The following OR8J1 variants were observed in gnomAD, a reference collection of about 807,000 sequenced individuals.
OR8J1 encodes olfactory receptor family 8 subfamily J member 1.
For missense variants in OR8J1, 400 were observed against 373.0 expected (o/e 1.07, Z -0.60); for synonymous variants, 157 against 144.3 (o/e 1.09, Z -0.63).
rs768347510 is a variant in OR8J1, at chr11:56,360,817, G to T, written c.571G>T (p.Asp191Tyr). Residue 191 changes from aspartate (D) to tyrosine (Y), a missense_variant, in exon 2 of 2, where the codon GAT becomes TAT. Transcript: ENST00000533152. ...TCCTCTGTTAGCATTATCTTGCTCT[G>T]ATACTTACTTACCAGAAACAGTTGT... ...NVPLLALSCSDTYLPETVVFI... is the reference protein window; with the variant it reads ...NVPLLALSCSYTYLPETVVFI... 18 of 1,540,018 alleles carry T rather than the reference G, an allele frequency of 1.2e-5. No homozygotes were observed. Among genetic ancestry groups the T allele is most frequent in the Non-Finnish European group, 1.6e-5 (18 of 1,150,472 alleles).
intron 1 of OR8J1, among the ~76,000 whole-genome samples, chr11:56,358,657 G>A (rs1419481797): frequency 6.6e-6 from 1 of 152,122 alleles, no homozygotes; most frequent in African/African-American, 2.4e-5. Flanking sequence ...CTCCCAAGTT[G>A]TCATAATGTA....
intron 1 of OR8J1, chr11:56,357,499 AT>A (rs764202135): frequency 1.2e-6 from 1 of 862,768 alleles, no homozygotes; most frequent in Non-Finnish European, 2.0e-6. Flanking sequence ...ATAAACAGAT[AT>A]ATCATTTGTC....
Position 56,360,661 on chromosome 11 carries a change from C to T in OR8J1, c.415C>T (p.Arg139Trp), listed in dbSNP as rs773946639. 4.0e-5 allele frequency: 65 copies of T among 1,611,120 alleles called. No homozygotes were observed. The Admixed American group carries it at 4.0e-4, about 10-fold the overall frequency. ...GCTGTACATGGTGGTGGTGTCTCGG[C>T]GGCTCTGCCTCCTGCTGGTCTCCCT... ...PLLYMVVVSR[R>W]LCLLLVSLTY... Residue 139 changes from arginine (R) to tryptophan (W), a missense_variant, in exon 2 of 2, where the codon CGG becomes TGG. Arg to Trp is a moderately radical substitution (Grantham distance 101). Coordinates refer to ENST00000533152, the MANE Select transcript of OR8J1 (RefSeq NM_001005205.3).
At chr11:56,359,811 A>G (rs78561506) in intron 1 of OR8J1, among the ~76,000 whole-genome samples, 1 of 152,300 alleles carries the variant, frequency 6.6e-6, no homozygotes, top group East Asian at 1.9e-4. Context: ...AGAATCACCC[A>G]TTCCTAAGAA....
chr11:56,361,158 A>T lies in OR8J1; in HGVS notation c.912A>T (p.Arg304Ser). The change falls in exon 2 of 2, where the codon AGA becomes AGT. Residue 304 changes from arginine to serine, a missense_variant. Transcript: ENST00000533152. ...RNKDVKTALQRFMTNLCYSFK... is the reference protein window; with the variant it reads ...RNKDVKTALQSFMTNLCYSFK... The stretch of plus-strand genomic sequence containing the variant: ...AGGATGTGAAGACTGCTCTACAGAG[A>T]TTCATGACAAATCTGTGCTATTCCT... 1 of 1,413,218 alleles carries T rather than the reference A, an allele frequency of 7.1e-7. No individual in the cohort carries two copies. The highest frequency in any genetic ancestry group is 9.2e-7 in the Non-Finnish European group (1 of 1,083,254). 87.5% of individuals were successfully genotyped at this position (1,413,218 alleles called of 1,614,324 possible).
rs1220484197 is a variant in OR8J1 at position 56,360,312 on chromosome 11, G to A, written c.66G>A (p.Glu22=). The change falls in exon 2 of 2, where the codon GAG becomes GAA. Residue 22 remains glutamate, a synonymous_variant. Coordinates refer to ENST00000533152, the MANE Select transcript of OR8J1 (RefSeq NM_001005205.3). ...TTACAGGTGTCTCTAGCTGTCCAGA[G>A]CTCCAGATTCCCCTCTTCCTGGTCT... ...FILTGVSSCP[E]LQIPLFLVFL... 4 of 1,613,384 alleles carry A rather than the reference G, an allele frequency of 2.5e-6. No individual in the cohort carries two copies. The highest frequency in any genetic ancestry group is 1.7e-4 in the Middle Eastern group (1 of 6,056).
rs775101618 is a variant in OR8J1 at position 56,355,274 on chromosome 11, T to C, written c.-21+949T>C. 2.2e-4 allele frequency among the ~76,000 whole-genome samples: 34 copies of C among 151,388 alleles called. 1 individual carries two copies. The highest frequency in any genetic ancestry group is 4.6e-4 in the Non-Finnish European group (31 of 67,828). On this transcript the variant is annotated intron_variant, in intron 1 of 1. Coordinates refer to ENST00000533152, the MANE Select transcript of OR8J1 (RefSeq NM_001005205.3). ...ACTAGTAATAGGGAATAAATATATA[T>C]ATATATATTTAAATTAAAGTCTATT...
rs774866876 is a variant in OR8J1, at chr11:56,360,833, A to G, written c.587A>G (p.Glu196Gly). 3.3e-6 allele frequency: 5 copies of G among 1,528,802 alleles called. No individual in the cohort carries two copies. The East Asian group carries it at 1.1e-4, about 35-fold the overall frequency. The allele number at this position is 1,528,802 out of a possible 1,614,324, so 94.7% of individuals were successfully genotyped here. A position where few individuals can be genotyped will look rare whatever the true frequency, so the allele number is the denominator to read the frequency against. The change falls in exon 2 of 2, where the codon GAA becomes GGA. Residue 196 changes from glutamate (E) to glycine (G), a missense_variant. By Grantham distance (98) the Glu-to-Gly change is moderately conservative. Transcript: ENST00000533152. ...TCTTGCTCTGATACTTACTTACCAGAAACAGTTGTCTTTATATCTGCAGCA... is the reference window on the plus strand; with the variant it reads ...TCTTGCTCTGATACTTACTTACCAGGAACAGTTGTCTTTATATCTGCAGCA... ...ALSCSDTYLP[E>G]TVVFISAATN...
rs986548015 is a variant in OR8J1, at chr11:56,357,505, T to C, written c.-20-2722T>C. ...GTTCATGTAATAAACAGATATATCA[T>C]TTGTCAGATTGCTTATGGCTGTATA... On this transcript the variant is annotated intron_variant, in intron 1 of 1. Coordinates refer to ENST00000533152, the MANE Select transcript of OR8J1 (RefSeq NM_001005205.3). 7 of 854,454 alleles carry C rather than the reference T, an allele frequency of 8.2e-6. No homozygotes were observed. The African/African-American group carries it at 9.8e-5, about 12-fold the overall frequency. The allele number at this position is 854,454 out of a possible 1,614,324, so 52.9% of individuals were successfully genotyped here.
In OR8J1 at chr11:56,360,496, A is replaced by C. The variant is rs142586572; in HGVS notation, c.250A>C (p.Asn84His). ...TGTCATTGCCCCTAAAATGCTGATT[A>C]ACTTTTTAGTAAAGAAGAAAACTAC... ...STVIAPKMLI[N>H]FLVKKKTTSF... Residue 84 changes from asparagine to histidine, a missense_variant, in exon 2 of 2, where the codon AAC (asparagine) becomes CAC (histidine). Asn to His is a moderately conservative substitution (Grantham distance 68). Transcript: ENST00000533152. 33 of 1,614,176 alleles carry C rather than the reference A, an allele frequency of 2.0e-5. 1 individual carries two copies. In the Admixed American group the frequency reaches 3.7e-4, roughly 18 times the overall value.
At chr11:56,360,172 G>A (rs1310445672) in intron 1 of OR8J1, 55 bp from the exon 2 acceptor site, 6 of 1,164,880 alleles carry the variant, frequency 5.2e-6, no homozygotes, top group Non-Finnish European at 7.3e-6. Flanking sequence ...GCCATATAAG[G>A]GCAGTCCTGC....
Position 56,357,653 on chromosome 11 carries a change from C to T in OR8J1, c.-20-2574C>T. 3.9e-6 allele frequency: 6 copies of T among 1,540,552 alleles called. 1 individual carries two copies. Among genetic ancestry groups the T allele is most frequent in the Admixed American group, 1.7e-5 (1 of 59,844 alleles). On this transcript the variant is annotated intron_variant, in intron 1 of 1. Coordinates refer to ENST00000533152, the MANE Select transcript of OR8J1 (RefSeq NM_001005205.3). ...GCCTGCTGCTGGCCTGCAGGCTTCTCAATAGGTTTGGCATGGACAAGATCT... is the reference window on the plus strand; with the variant it reads ...GCCTGCTGCTGGCCTGCAGGCTTCTTAATAGGTTTGGCATGGACAAGATCT...
chr11:56,354,469 G>T (rs1343147404), intron 1 of OR8J1, 144 bp downstream of exon 1: 3 of 152,108 alleles, frequency 2.0e-5, no homozygotes, highest in Admixed American at 6.5e-5. Flanking sequence ...AAATAAGTTT[G>T]TTTTTCAGAT....
In OR8J1 at chr11:56,360,842, T is replaced by G. The variant is rs559042776; in HGVS notation, c.596T>G (p.Val199Gly). Residue 199 changes from valine to glycine, a missense_variant, in exon 2 of 2, where the codon GTC (valine) becomes GGC (glycine). Coordinates refer to ENST00000533152, the MANE Select transcript of OR8J1 (RefSeq NM_001005205.3). ...CSDTYLPETVVFISAATNVVG... is the reference protein window; with the variant it reads ...CSDTYLPETVGFISAATNVVG... ...GATACTTACTTACCAGAAACAGTTG[T>G]CTTTATATCTGCAGCAACAAATGTG... is the stretch of plus-strand genomic sequence containing the variant. 6.6e-7 allele frequency: 1 copy of G among 1,521,326 alleles called. No individual in the cohort carries two copies. The highest frequency in any genetic ancestry group is 1.4e-5 in the African/African-American group (1 of 71,632). 94.2% of individuals were successfully genotyped at this position (1,521,326 alleles called of 1,614,324 possible). A position where few individuals can be genotyped will look rare whatever the true frequency, so the allele number is the denominator to read the frequency against.
chr11:56,360,375 G>C lies in OR8J1; in HGVS notation c.129G>C (p.Leu43=). Residue 43 remains leucine (L), a synonymous_variant, in exon 2 of 2, where the codon CTG becomes CTC. Transcript: ENST00000533152. ...VLYGLTMAGN[L]GIITLTSVDS... is the part of the protein sequence containing the mutation. ...ATGGGCTGACCATGGCAGGGAACCT[G>C]GGCATCATCACCCTCACCAGTGTTG... The C allele has an allele frequency of 6.2e-7, 1 of 1,614,070 alleles. No individual in the cohort carries two copies. Among genetic ancestry groups the C allele is most frequent in the Non-Finnish European group, 8.5e-7 (1 of 1,180,006 alleles).
chr11:56,357,509 T>A lies in OR8J1; in HGVS notation c.-20-2718T>A, dbSNP rs59418539. ...ATGTAATAAACAGATATATCATTTGTCAGATTGCTTATGGCTGTATAGAGG... is the reference window on the plus strand; with the variant it reads ...ATGTAATAAACAGATATATCATTTGACAGATTGCTTATGGCTGTATAGAGG... On this transcript the variant is annotated intron_variant, in intron 1 of 1. Transcript: ENST00000533152. The A allele has an allele frequency of 1.4e-3, 1,203 of 852,890 alleles. 8 individuals are homozygous for A. The African/African-American group carries it at 0.017, about 12-fold the overall frequency. 52.8% of individuals were successfully genotyped at this position (852,890 alleles called of 1,614,324 possible).
At chr11:56,355,241 T>C (rs1473660714) in intron 1 of OR8J1, among the ~76,000 whole-genome samples, 1 of 151,790 alleles carries the variant, frequency 6.6e-6, no homozygotes, top group African/African-American at 2.4e-5. Flanking sequence ...CTATTATTGT[T>C]GACTAAAACT....
In OR8J1 at chr11:56,360,849, A is replaced by G. The variant is rs1472246895; in HGVS notation, c.603A>G (p.Ile201Met). The G allele has an allele frequency of 6.6e-7, 1 of 1,515,752 alleles. No individual in the cohort carries two copies. The highest frequency in any genetic ancestry group is 8.8e-7 in the Non-Finnish European group (1 of 1,137,918). 93.9% of individuals were successfully genotyped at this position (1,515,752 alleles called of 1,614,324 possible). A position where few individuals can be genotyped will look rare whatever the true frequency, so the allele number is the denominator to read the frequency against. ...DTYLPETVVF[I>M]SAATNVVGSL... ...ACTTACCAGAAACAGTTGTCTTTAT[A>G]TCTGCAGCAACAAATGTGGTTGGTT... The change falls in exon 2 of 2, where the codon ATA becomes ATG. Residue 201 changes from isoleucine (I) to methionine (M), a missense_variant. Transcript: ENST00000533152.
At chr11:56,358,383 C>T (rs926557988) in intron 1 of OR8J1, among the ~76,000 whole-genome samples, 1 of 152,158 alleles carries the variant, frequency 6.6e-6, no homozygotes, top group Non-Finnish European at 1.5e-5. Flanking sequence ...CCCCTACCCC[C>T]TCAAAAACTA....
Sources: allele counts gnomAD v4.1 joint callset (sites outside exome capture counted in the v4.1 genomes callset), GRCh38; gene constraint gnomAD v4.1.1; transcripts MANE v1.5; gene names NCBI Gene and HGNC (gene_info 2026-07-23, HGNC 2026-07-21).